Variants in RAB5A observed in about 807,000 individuals in gnomAD.
The protein encoded by RAB5A is RAB5A, member RAS oncogene family.
RAB5A carries 8 observed loss-of-function variants against 25.7 expected under a neutral mutation model. The ratio of observed to expected loss-of-function variants is 0.31; its 90% CI spans 0.18 to 0.56. The LOEUF (loss-of-function observed/expected upper bound fraction) is 0.56, where lower values mean the gene tolerates loss of function less well. Among genes scored for constraint, RAB5A ranks in the 20% least tolerant of loss-of-function variants. The probability of loss-of-function intolerance (pLI) is 0.91; values close to 1 mark genes in which losing one functional copy is unlikely to be tolerated. For missense variants in RAB5A, 192 were observed against 259.7 expected, an observed-to-expected ratio of 0.74 and a Z score of 1.79; for synonymous variants, 98 against 89.8, an observed-to-expected ratio of 1.09 and a Z score of -0.52.
In RAB5A at chr3:19,975,764, T is replaced by C. The variant is rs1233422412; in HGVS notation, c.315+12T>C. 6.3e-7 allele frequency: 1 copy of C among 1,595,402 alleles called. No individual in the cohort carries two copies. The highest frequency in any genetic ancestry group is 8.5e-7 in the Non-Finnish European group (1 of 1,171,996). ...ATATCACAAATGAGGTAAGTATGGATGCATTCCACAGTAAAACTAATTTGA... is the reference window on the plus strand; with the variant it reads ...ATATCACAAATGAGGTAAGTATGGACGCATTCCACAGTAAAACTAATTTGA... On this transcript the variant is annotated intron_variant, in intron 3 of 5. Transcript: ENST00000273047.
chr3:19,949,840 T>C (rs940590999), intron 1 of RAB5A, among the ~76,000 whole-genome samples: 8 of 150,768 alleles, frequency 5.3e-5, no homozygotes, highest in African/African-American at 1.7e-4. Flanking sequence ...AGCCCGAGAG[T>C]TCAGGATCAT....
intron 2 of RAB5A, among the ~76,000 whole-genome samples, chr3:19,965,371 A>G (rs955698540): frequency 6.6e-6 from 1 of 151,428 alleles, no homozygotes; most frequent in East Asian, 1.9e-4. Context: ...GCAGTGAACT[A>G]TGATTACACC....
chr3:19,980,445 A>ATTTTTTTT (rs11441052), intron 5 of RAB5A, among the ~76,000 whole-genome samples: 10 of 148,098 alleles, frequency 6.8e-5, no homozygotes, highest in Non-Finnish European at 7.4e-5. Flanking sequence ...AGGTTAGTAA[A>ATTTTTTTT]TTTTTTTTTC....
At chr3:19,975,531 G>A (rs779489579) in intron 2 of RAB5A, 70 bp from the exon 3 acceptor site, 5 of 1,449,720 alleles carry the variant, frequency 3.4e-6, no homozygotes, top group Non-Finnish European at 4.7e-6. Context: ...ATGTATACAA[G>A]CAGGTGTTTT....
intron 1 of RAB5A, among the ~76,000 whole-genome samples, chr3:19,948,298 AG>A (rs1474392225): frequency 6.6e-6 from 1 of 152,212 alleles, no homozygotes; most frequent in Non-Finnish European, 1.5e-5. Flanking sequence ...GCGTTCAATC[AG>A]TTGCCTTTCA....
At chr3:19,960,962 A>C (rs527881769) in intron 2 of RAB5A, among the ~76,000 whole-genome samples, 1 of 152,200 alleles carries the variant, frequency 6.6e-6, no homozygotes, top group Non-Finnish European at 1.5e-5. Context: ...TTCTCAGTCA[A>C]AAAACTGTTC....
chr3:19,974,760 A>C (rs1367527560), intron 2 of RAB5A, among the ~76,000 whole-genome samples: 1 of 152,090 alleles, frequency 6.6e-6, no homozygotes, highest in Non-Finnish European at 1.5e-5. Context: ...AGAAATACTA[A>C]TTTGGTGGTA....
In RAB5A at chr3:19,976,050, T is replaced by A. The variant is rs1559491993; in HGVS notation, c.319T>A (p.Ser107Thr). ...TGGCTGTTTCTTTGTTTAACAGGAG[T>A]CCTTTGCAAGAGCAAAAAATTGGGT... ...IVVYDITNEE[S>T]FARAKNWVKE... The change falls in exon 4 of 6, where the codon TCC becomes ACC. Residue 107 changes from serine to threonine, a missense_variant. By Grantham distance (58) the Ser-to-Thr change is moderately conservative. Around this residue, in one of 3 missense-constraint regions of RAB5A, gnomAD observed 121 missense variants for 135.7 expected, o/e 0.89. Transcript: ENST00000273047. The A allele has an allele frequency of 2.0e-5, 32 of 1,610,222 alleles. No homozygotes were observed. The highest frequency in any genetic ancestry group is 2.6e-5 in the Non-Finnish European group (31 of 1,179,066).
intron 2 of RAB5A, among the ~76,000 whole-genome samples, chr3:19,972,446 A>G (rs991241126): frequency 6.6e-6 from 1 of 152,206 alleles, no homozygotes; most frequent in Admixed American, 6.5e-5. Context: ...GCACAGATGT[A>G]GGAGATATTA....
Position 19,957,730 on chromosome 3 carries a change from CAA to C in RAB5A, c.163+6683_163+6684del, listed in dbSNP as rs61222002. Among the ~76,000 whole-genome samples, 445 of 132,368 alleles carry C rather than the reference CAA, an allele frequency of 3.4e-3. 2 individuals are homozygous for C. Among genetic ancestry groups the C allele is most frequent in the African/African-American group, 9.0e-3 (325 of 36,024 alleles). The allele number at this position is 132,368 out of a possible 152,430, so 86.8% of individuals were successfully genotyped here. A position where few individuals can be genotyped will look rare whatever the true frequency, so the allele number is the denominator to read the frequency against. ...TGAGCAACAGAGTGAGACTCTGTCT[CAA>C]AAAAAAAAAAAAAGGTAAGTAGGCG... On this transcript the variant is annotated intron_variant, in intron 2 of 5. Coordinates refer to ENST00000273047, the MANE Select transcript of RAB5A (RefSeq NM_004162.5).
chr3:19,979,269 C>G (rs374224552), intron 5 of RAB5A, among the ~76,000 whole-genome samples: 15 of 151,474 alleles, frequency 9.9e-5, no homozygotes, highest in Non-Finnish European at 1.9e-4. Flanking sequence ...GCCACTACAC[C>G]CAGCCTAAGG....
intron 3 of RAB5A, 105 bp from the exon 4 acceptor site, chr3:19,975,938 ATTTC>A: frequency 7.0e-7 from 1 of 1,430,296 alleles, no homozygotes; most frequent in Non-Finnish European, 9.4e-7. Context: ...AGTCCTAATA[ATTTC>A]TTTCCCACAG....
chr3:19,974,789 G>T (rs1279514831), intron 2 of RAB5A, among the ~76,000 whole-genome samples: 2 of 151,930 alleles, frequency 1.3e-5, no homozygotes, highest in East Asian at 1.9e-4. Context: ...GGACTAAATT[G>T]CCAGTGTGCG....
At chr3:19,960,819 T>TTAGTTA (rs1696574078) in intron 2 of RAB5A, among the ~76,000 whole-genome samples, 1 of 152,124 alleles carries the variant, frequency 6.6e-6, no homozygotes, top group African/African-American at 2.4e-5. Flanking sequence ...GAAGAACCGG[T>TTAGTTA]TAGTTATTCA....
At chr3:19,964,354 C>G (rs1391729019) in intron 2 of RAB5A, among the ~76,000 whole-genome samples, 3 of 150,528 alleles carry the variant, frequency 2.0e-5, no homozygotes, top group Non-Finnish European at 4.4e-5. Context: ...TTATCTGATT[C>G]TAGTTAATAA....
chr3:19,963,591 C>G (rs1443728942), intron 2 of RAB5A, among the ~76,000 whole-genome samples: 1 of 151,772 alleles, frequency 6.6e-6, no homozygotes, highest in Non-Finnish European at 1.5e-5. Flanking sequence ...TAAAGTTTTC[C>G]CTCTCTGTTT....
chr3:19,970,195 C>G lies in RAB5A; in HGVS notation c.164-5406C>G, dbSNP rs558840844. Among the ~76,000 whole-genome samples the G allele has an allele frequency of 3.5e-3, 540 of 152,304 alleles. 2 individuals are homozygous for G. The highest frequency in any genetic ancestry group is 0.012 in the African/African-American group (515 of 41,566). On this transcript the variant is annotated intron_variant, in intron 2 of 5. Coordinates refer to ENST00000273047, the MANE Select transcript of RAB5A (RefSeq NM_004162.5). ...GATTACAGGCGTGAGCCACTATGCC[C>G]AGCCACTTTGTTTTTTAATTATTAA... is the stretch of plus-strand genomic sequence containing the variant.
Position 19,983,807 on chromosome 3 carries a change from A to C in RAB5A, c.632A>C (p.Gln211Pro), listed in dbSNP as rs1249748048. ...LTEPTQPTRN[Q>P]CCSN is the part of the protein sequence containing the mutation. Reference sequence around the variant, plus strand: ...GAACCCACACAACCAACCAGGAATCAGTGTTGTAGTAACTAAACCTCTAGT... The same window carrying C: ...GAACCCACACAACCAACCAGGAATCCGTGTTGTAGTAACTAAACCTCTAGT... The change falls in exon 6 of 6, where the codon CAG (glutamine) becomes CCG (proline). Residue 211 changes from glutamine (Q) to proline (P), a missense_variant. Physicochemically the swap from Gln to Pro is moderately conservative, Grantham distance 76. Transcript: ENST00000273047. 1.2e-6 allele frequency: 2 copies of C among 1,602,970 alleles called. No individual in the cohort carries two copies. The highest frequency in any genetic ancestry group is 8.5e-7 in the Non-Finnish European group (1 of 1,170,964).
chr3:19,951,151 C>T, intron 2 of RAB5A, 90 bp downstream of exon 2: 1 of 1,434,366 alleles, frequency 7.0e-7, no homozygotes, highest in East Asian at 2.3e-5. Context: ...TTATGAATAG[C>T]TAAATAAGTC....
Sources: gnomAD v4.1 joint callset for allele counts (sites outside exome capture counted in the v4.1 genomes callset) on GRCh38, gnomAD v4.1.1 for gene constraint, gnomAD v4.1.1 regional missense constraint, MANE v1.5 for transcripts, NCBI Gene and HGNC (gene_info 2026-07-23, HGNC 2026-07-21) for gene names.